LIMA1: variants seen among roughly 807,000 people sequenced by gnomAD.
The protein encoded by LIMA1 is LIM domain and actin binding 1, also known as LIM domain and actin-binding protein 1.
In LIMA1, 52 loss-of-function variants were observed where a neutral mutation model predicts 62.6. The observed-to-expected ratio is 0.83, with a 90% CI of 0.67 to 1.05. LIMA1 has a LOEUF of 1.05. Among genes scored for constraint, LIMA1 ranks in the 50% least tolerant of loss-of-function variants. LIMA1 has a pLI of 0.00. For synonymous variants in LIMA1, 302 were observed against 317.8 expected (o/e 0.95, Z 0.53); for missense variants, 780 against 902.2 (o/e 0.86, Z 1.74).
chr12:50,282,320 A>C (rs1942349759), intron 1 of LIMA1, among the ~76,000 whole-genome samples: 1 of 152,192 alleles, frequency 6.6e-6, no homozygotes, highest in African/African-American at 2.4e-5. Flanking sequence ...ATTGGTAACC[A>C]AGCAGATAAA....
chr12:50,235,786 G>A (rs1009977346), intron 2 of LIMA1, among the ~76,000 whole-genome samples: 2 of 152,048 alleles, frequency 1.3e-5, no homozygotes, highest in African/African-American at 4.8e-5. Context: ...TTATATTACA[G>A]ACAAAAAATT....
intron 1 of LIMA1, among the ~76,000 whole-genome samples, chr12:50,253,561 C>G (rs1353085076): frequency 6.6e-6 from 1 of 152,184 alleles, no homozygotes; most frequent in African/African-American, 2.4e-5. Flanking sequence ...AACCACCTAG[C>G]TGAAAACCCA....
At chr12:50,267,814 A>G (rs1942157693) in intron 1 of LIMA1, among the ~76,000 whole-genome samples, 1 of 151,988 alleles carries the variant, frequency 6.6e-6, no homozygotes, top group Admixed American at 6.6e-5. Flanking sequence ...CACCACACCC[A>G]GCCTGCCTAT....
At chr12:50,264,348 G>C (rs1275389398) in intron 1 of LIMA1, among the ~76,000 whole-genome samples, 1 of 152,148 alleles carries the variant, frequency 6.6e-6, no homozygotes, top group Non-Finnish European at 1.5e-5. Flanking sequence ...ATTTTAAATA[G>C]GTGAATTGTA....
chr12:50,225,482 A>G (rs1941513908), intron 3 of LIMA1, among the ~76,000 whole-genome samples: 2 of 152,098 alleles, frequency 1.3e-5, no homozygotes, highest in Non-Finnish European at 2.9e-5. Flanking sequence ...TACTGTACTT[A>G]CTGTTCTACA....
At chr12:50,178,093 T>C in intron 10 of LIMA1, 24 bp from the exon 11 acceptor site, 1 of 1,408,898 alleles carries the variant, frequency 7.1e-7, no homozygotes, top group Non-Finnish European at 9.3e-7. Flanking sequence ...AAAAAAAGCA[T>C]AAACTTAGCA....
Position 50,177,649 on chromosome 12 carries a change from G to C in LIMA1, c.1695C>G (p.Pro565=). 1 of 1,607,144 alleles carries C rather than the reference G, an allele frequency of 6.2e-7. No individual in the cohort carries two copies. The highest frequency in any genetic ancestry group is 8.5e-7 in the Non-Finnish European group (1 of 1,176,944). The part of the protein sequence containing the change: ...KWPPEDEISK[P]EVPEDVDLDL... ...CTAGATCGACATCCTCAGGAACTTC[G>C]GGCTTGCTGATTTCGTCTTCAGGAG... The change falls in exon 11 of 11, where the codon CCC becomes CCG. Residue 565 remains proline, a synonymous_variant. Transcript: ENST00000341247.
chr12:50,217,740 G>T, intron 4 of LIMA1: 3 of 321,548 alleles, frequency 9.3e-6, no homozygotes, highest in South Asian at 8.9e-5. Context: ...TGGGCTTCAT[G>T]ACCTTGATTC....
chr12:50,211,927 C>T (rs1941264705), intron 4 of LIMA1, among the ~76,000 whole-genome samples: 1 of 151,924 alleles, frequency 6.6e-6, no homozygotes, highest in Admixed American at 6.6e-5. Flanking sequence ...AGAGAATAGA[C>T]AAGATACTTT....
chr12:50,193,899 C>G (rs1050697239), intron 8 of LIMA1, among the ~76,000 whole-genome samples: 3 of 149,396 alleles, frequency 2.0e-5, no homozygotes, highest in Non-Finnish European at 3.0e-5. Context: ...CTCCTGAGCT[C>G]AAGCAAACTG....
intron 10 of LIMA1, among the ~76,000 whole-genome samples, 195 bp from the exon 11 acceptor site, chr12:50,178,264 G>A (rs1023486959): frequency 3.3e-5 from 5 of 152,126 alleles, no homozygotes; most frequent in African/African-American, 7.2e-5. Context: ...CACAAAGCAC[G>A]GGTTGGGTGC....
At chr12:50,225,346 T>G (rs767079959) in intron 3 of LIMA1, among the ~76,000 whole-genome samples, 2 of 152,172 alleles carry the variant, frequency 1.3e-5, no homozygotes, top group Non-Finnish European at 2.9e-5. Flanking sequence ...CTGTAATACA[T>G]GCCATTTTCC....
At chr12:50,265,163 A>AG (rs1364712392) in intron 1 of LIMA1, among the ~76,000 whole-genome samples, 1 of 151,992 alleles carries the variant, frequency 6.6e-6, no homozygotes, top group African/African-American at 2.4e-5. Flanking sequence ...AAAAAAAAAA[A>AG]AATCAAAAAT....
rs1427493185 is a variant in LIMA1 at position 50,181,886 on chromosome 12, T to C, written c.1274+18A>G. 1 of 1,613,948 alleles carries C rather than the reference T, an allele frequency of 6.2e-7. No individual in the cohort carries two copies. The highest frequency in any genetic ancestry group is 8.5e-7 in the Non-Finnish European group (1 of 1,179,916). On this transcript the variant is annotated intron_variant, in intron 10 of 10. Coordinates refer to ENST00000341247, the MANE Select transcript of LIMA1 (RefSeq NM_016357.5). ...GAGTTCCAGTTATAGACAGATGGCTTGTTTTGGGCTGACTTACCTGAGTTT... is the reference window on the plus strand; with the variant it reads ...GAGTTCCAGTTATAGACAGATGGCTCGTTTTGGGCTGACTTACCTGAGTTT...
chr12:50,255,158 C>T (rs1592558414), intron 1 of LIMA1, among the ~76,000 whole-genome samples: 1 of 151,998 alleles, frequency 6.6e-6, no homozygotes, highest in Non-Finnish European at 1.5e-5. Context: ...CAGTGGCCTC[C>T]TCTCTTTTTT....
At chr12:50,269,550 C>A (rs1416771212) in intron 1 of LIMA1, among the ~76,000 whole-genome samples, 1 of 152,084 alleles carries the variant, frequency 6.6e-6, no homozygotes, top group Non-Finnish European at 1.5e-5. Flanking sequence ...ACCAGGAACA[C>A]CAGATCTGAT....
intron 6 of LIMA1, among the ~76,000 whole-genome samples, chr12:50,203,612 C>T (rs1203500572): frequency 6.6e-6 from 1 of 151,984 alleles, no homozygotes; most frequent in Admixed American, 6.6e-5. Flanking sequence ...GGGGTTTCAC[C>T]ACGTTAGCCA....
chr12:50,226,451 T>C (rs1941528726), intron 3 of LIMA1, among the ~76,000 whole-genome samples: 1 of 152,160 alleles, frequency 6.6e-6, no homozygotes, highest in Admixed American at 6.6e-5. Flanking sequence ...CCACTCTCCC[T>C]GGTAAAAATT....
At chr12:50,205,924 G>C in intron 5 of LIMA1, 60 bp downstream of exon 5, 2 of 1,234,044 alleles carry the variant, frequency 1.6e-6, no homozygotes, top group Admixed American at 3.9e-5. Context: ...GAGTCCAAAA[G>C]ATGTTACTAC....
Sources: allele counts gnomAD v4.1 joint callset (sites outside exome capture counted in the v4.1 genomes callset), GRCh38; gene constraint gnomAD v4.1.1; transcripts MANE v1.5; gene names NCBI Gene and HGNC (gene_info 2026-07-23, HGNC 2026-07-21).